NDC1: variants seen among roughly 807,000 people sequenced by gnomAD.
NDC1 encodes the protein nucleoporin NDC1.
NDC1 carries 24 observed loss-of-function variants against 89.8 expected under a neutral mutation model. The observed-to-expected ratio is 0.27, with a 90% CI of 0.19 to 0.38. NDC1 has a LOEUF of 0.38. NDC1 is among the 10% of genes least tolerant of loss of function. The probability of loss-of-function intolerance (pLI) is 1.00; values close to 1 mark genes in which losing one functional copy is unlikely to be tolerated. For missense variants in NDC1, 728 were observed against 797.6 expected (o/e 0.91, Z 1.05); for synonymous variants, 296 against 284.8 (o/e 1.04, Z -0.39).
At chr1:53,806,029 G>A (rs548390388) in intron 9 of NDC1, among the ~76,000 whole-genome samples, 34 of 152,118 alleles carry the variant, frequency 2.2e-4, no homozygotes, top group South Asian at 1.7e-3. Flanking sequence ...AGCCGAGATC[G>A]CGCCACTGCA....
chr1:53,784,994 T>C (rs1293029828), intron 16 of NDC1, among the ~76,000 whole-genome samples: 2 of 151,306 alleles, frequency 1.3e-5, no homozygotes, highest in Admixed American at 6.6e-5. Flanking sequence ...TGTGGATCTG[T>C]AGCTTTTTCC....
At chr1:53,799,499 A>G (rs1002921982) in intron 11 of NDC1, among the ~76,000 whole-genome samples, 2 of 152,206 alleles carry the variant, frequency 1.3e-5, no homozygotes, top group African/African-American at 4.8e-5. Context: ...CAGAGTACTG[A>G]TTTTGAAACT....
chr1:53,806,575 CA>C, intron 8 of NDC1, 58 bp from the exon 9 acceptor site: 1 of 1,085,442 alleles, frequency 9.2e-7, no homozygotes, highest in South Asian at 2.4e-5. Context: ...ATTCAATAAG[CA>C]TGCACAAATT....
chr1:53,788,713 C>T (rs1188496883), intron 15 of NDC1, among the ~76,000 whole-genome samples: 1 of 151,898 alleles, frequency 6.6e-6, no homozygotes, highest in East Asian at 1.9e-4. Context: ...AGGCGTGAGC[C>T]ACCGCAACTG....
chr1:53,799,883 C>A (rs570234359), intron 11 of NDC1, among the ~76,000 whole-genome samples: 13 of 152,178 alleles, frequency 8.5e-5, no homozygotes, highest in Non-Finnish European at 1.3e-4. Flanking sequence ...TCCACCTCTA[C>A]TTCTTCCTCT....
intron 5 of NDC1, among the ~76,000 whole-genome samples, chr1:53,820,314 G>C (rs1020699037): frequency 6.6e-6 from 1 of 151,668 alleles, no homozygotes; most frequent in African/African-American, 2.4e-5. Context: ...AATGTTTAAA[G>C]AAAGTTTATG....
At chr1:53,829,208 A>G (rs1648973379) in intron 3 of NDC1, among the ~76,000 whole-genome samples, 1 of 152,174 alleles carries the variant, frequency 6.6e-6, no homozygotes, top group East Asian at 1.9e-4. Flanking sequence ...AAGAGATGGC[A>G]GGAGGTAGAA....
At chr1:53,772,951 A>G (rs1440478215) in intron 16 of NDC1, among the ~76,000 whole-genome samples, 2 of 152,040 alleles carry the variant, frequency 1.3e-5, no homozygotes, top group African/African-American at 4.8e-5. Flanking sequence ...GACAGTTACC[A>G]GGCCCCCCCC....
chr1:53,787,606 TC>T (rs1464132895), intron 15 of NDC1, among the ~76,000 whole-genome samples: 1 of 151,136 alleles, frequency 6.6e-6, no homozygotes, highest in Non-Finnish European at 1.5e-5. Context: ...ACCACTGCAC[TC>T]CAGCCTGGGC....
At chr1:53,835,371 C>T (rs1211794325) in intron 2 of NDC1, 129 bp downstream of exon 2, 3 of 596,298 alleles carry the variant, frequency 5.0e-6, no homozygotes, top group Non-Finnish European at 8.3e-6. Context: ...AAAATTATCT[C>T]AAAGTGAATG....
intron 5 of NDC1, among the ~76,000 whole-genome samples, chr1:53,820,432 T>C (rs1648627869): frequency 6.6e-6 from 1 of 152,100 alleles, no homozygotes; most frequent in Middle Eastern, 3.4e-3. Flanking sequence ...ATATACCTAA[T>C]GTTAAATGAT....
chr1:53,784,970 A>T (rs959085867), intron 16 of NDC1, among the ~76,000 whole-genome samples: 2 of 151,800 alleles, frequency 1.3e-5, no homozygotes, highest in African/African-American at 4.8e-5. Flanking sequence ...AAAAAAAAAA[A>T]AGCGGGGGAG....
chr1:53,833,022 G>T (rs575093501), intron 2 of NDC1, among the ~76,000 whole-genome samples: 26 of 151,886 alleles, frequency 1.7e-4, no homozygotes, highest in South Asian at 8.3e-4. Flanking sequence ...AAAAACAAAG[G>T]GGGGGAGAAA....
chr1:53,818,887 C>A (rs758802958), intron 6 of NDC1, 84 bp downstream of exon 6: 11 of 659,538 alleles, frequency 1.7e-5, no homozygotes, highest in Non-Finnish European at 2.6e-5. Flanking sequence ...GTAGAAAACA[C>A]AAAAACACAA....
At chr1:53,807,226 G>A (rs1217459279) in intron 8 of NDC1, among the ~76,000 whole-genome samples, 3 of 120,214 alleles carry the variant, frequency 2.5e-5, no homozygotes, top group Non-Finnish European at 3.2e-5. Context: ...CAGCCTGGGT[G>A]ACAGAGCGAG....
chr1:53,837,303 T>C (rs1393138950), intron 1 of NDC1, among the ~76,000 whole-genome samples: 1 of 152,206 alleles, frequency 6.6e-6, no homozygotes, highest in Admixed American at 6.5e-5. Flanking sequence ...CCAGGCACGG[T>C]GGCTCACGCC....
At chr1:53,799,286 G>A (rs1647828938) in intron 11 of NDC1, among the ~76,000 whole-genome samples, 1 of 152,178 alleles carries the variant, frequency 6.6e-6, no homozygotes, top group African/African-American at 2.4e-5. Flanking sequence ...ATCCAAGAGT[G>A]TTTTCCATCT....
chr1:53,796,825 G>GC, intron 12 of NDC1, 21 bp from the exon 13 acceptor site: 1 of 1,602,852 alleles, frequency 6.2e-7, no homozygotes, highest in Non-Finnish European at 8.5e-7. Flanking sequence ...AAAAGAAAAG[G>GC]CAAGATAAGA....
chr1:53,789,198 T>C lies in NDC1; in HGVS notation c.1636-2A>G. On this transcript the variant is annotated splice_acceptor_variant, in intron 14 of 17. Coordinates refer to ENST00000371429, the MANE Select transcript of NDC1 (RefSeq NM_018087.5). LOFTEE classifies it high-confidence loss of function. ...AGCCTGAATGGAGGCCTCTGGGTGC[T>C]ACAAATAAAAACAAAAACATTCAAG... 6.2e-7 allele frequency: 1 copy of C among 1,600,084 alleles called. No individual in the cohort carries two copies. Among genetic ancestry groups the C allele is most frequent in the South Asian group, 1.1e-5 (1 of 88,704 alleles).
Sources: gnomAD v4.1 joint callset for allele counts (sites outside exome capture counted in the v4.1 genomes callset) on GRCh38, gnomAD v4.1.1 for gene constraint, MANE v1.5 for transcripts, NCBI Gene and HGNC (gene_info 2026-07-23, HGNC 2026-07-21) for gene names.